Variants in FAIM2 observed in about 807,000 individuals in gnomAD.
FAIM2 encodes the protein Fas apoptotic inhibitory molecule 2.
In FAIM2, 27 loss-of-function variants were observed where a neutral mutation model predicts 47.4. That is an observed-to-expected ratio of 0.57 (90% CI 0.42 to 0.78). The LOEUF is 0.78. Among genes scored for constraint, FAIM2 ranks in the 30% least tolerant of loss-of-function variants. The pLI, the probability that FAIM2 is intolerant of heterozygous loss-of-function variation, is 0.00. For missense variants in FAIM2, 311 were observed against 389.4 expected, an observed-to-expected ratio of 0.80 and a Z score of 1.69; for synonymous variants, 156 against 159.3, an observed-to-expected ratio of 0.98 and a Z score of 0.16.
intron 11 of FAIM2, among the ~76,000 whole-genome samples, chr12:49,879,222 A>C (rs1946777642): frequency 1.6e-5 from 2 of 128,784 alleles, no homozygotes; most frequent in Non-Finnish European, 3.2e-5. Flanking sequence ...GTGTATGTGC[A>C]TGTGTGTATG....
At chr12:49,891,570 G>A (rs1278902164) in intron 5 of FAIM2, among the ~76,000 whole-genome samples, 2 of 152,200 alleles carry the variant, frequency 1.3e-5, no homozygotes, top group Non-Finnish European at 2.9e-5. Context: ...GAAGCAGGAT[G>A]AGAACCCAGG....
chr12:49,889,071 TC>T, intron 10 of FAIM2, 35 bp downstream of exon 10: 1 of 1,519,918 alleles, frequency 6.6e-7, no homozygotes. Flanking sequence ...GGCCCCTCCC[TC>T]CCCATGGGGC....
intron 11 of FAIM2, among the ~76,000 whole-genome samples, chr12:49,885,056 C>T (rs560034776): frequency 2.0e-5 from 3 of 152,314 alleles, no homozygotes; most frequent in South Asian, 4.1e-4. Flanking sequence ...GGGCTGCCTG[C>T]CCCCACTCCC....
intron 11 of FAIM2, among the ~76,000 whole-genome samples, chr12:49,884,505 CAGAG>C (rs146608778): frequency 3.1e-4 from 47 of 151,906 alleles, no homozygotes; most frequent in African/African-American, 7.7e-4. Context: ...ATACTGATGA[CAGAG>C]AGAGAGAGAA....
intron 11 of FAIM2, among the ~76,000 whole-genome samples, chr12:49,880,149 T>TGTGTGC (rs1491294908): frequency 1.3e-5 from 2 of 151,246 alleles, no homozygotes; most frequent in Admixed American, 1.3e-4. Context: ...TATGTGAGTG[T>TGTGTGC]ATGTGTGTGC....
intron 11 of FAIM2, among the ~76,000 whole-genome samples, chr12:49,885,499 A>G (rs1428930333): frequency 6.6e-6 from 1 of 152,184 alleles, no homozygotes; most frequent in African/African-American, 2.4e-5. Flanking sequence ...TTTAGGAAGT[A>G]TTGCCTGGAG....
chr12:49,880,168 A>G (rs199624053), intron 11 of FAIM2, among the ~76,000 whole-genome samples: 1,023 of 21,302 alleles, frequency 0.048, 2 homozygotes, highest in African/African-American at 0.096. Flanking sequence ...GCATGTGTGT[A>G]TGTGTGTGTA....
chr12:49,889,411 C>G, intron 9 of FAIM2, 70 bp downstream of exon 9: 1 of 1,435,828 alleles, frequency 7.0e-7, no homozygotes, highest in African/African-American at 1.4e-5. Context: ...GCTCTGAGGC[C>G]CCCACCCCAT....
chr12:49,898,215 T>G (rs1036857470), intron 2 of FAIM2, 125 bp from the exon 3 acceptor site: 13 of 696,176 alleles, frequency 1.9e-5, no homozygotes, highest in Non-Finnish European at 3.1e-5. Flanking sequence ...AGTCTTTCTC[T>G]CCTGCCCCAT....
chr12:49,885,634 G>A (rs1946855714), intron 11 of FAIM2, among the ~76,000 whole-genome samples: 1 of 152,180 alleles, frequency 6.6e-6, no homozygotes. Flanking sequence ...AAAAGTCCTA[G>A]GTAGCCTGGG....
At chr12:49,879,541 AGT>A (rs1329182647) in intron 11 of FAIM2, among the ~76,000 whole-genome samples, 2 of 118,456 alleles carry the variant, frequency 1.7e-5, no homozygotes, top group East Asian at 2.6e-4. Flanking sequence ...TATATATGTG[AGT>A]GTATGGGTGT....
chr12:49,880,033 AGT>A (rs1297547779), intron 11 of FAIM2, among the ~76,000 whole-genome samples: 1 of 85,986 alleles, frequency 1.2e-5, no homozygotes, highest in Non-Finnish European at 2.2e-5. Flanking sequence ...TGTGCATGTG[AGT>A]GTATATGCAT....
At chr12:49,890,296 G>T in intron 7 of FAIM2, 142 bp from the exon 8 acceptor site, 1 of 746,088 alleles carries the variant, frequency 1.3e-6, no homozygotes. Context: ...ACTGACTTTC[G>T]GGAGTCAGGC....
chr12:49,879,803 C>T (rs1280620122), intron 11 of FAIM2, among the ~76,000 whole-genome samples: 10 of 127,968 alleles, frequency 7.8e-5, no homozygotes, highest in East Asian at 7.3e-4. Flanking sequence ...TGTGTGCATA[C>T]GACTGTGTAT....
rs1327745906 is a variant in FAIM2, at chr12:49,870,547, A to T, written c.908T>A (p.Ile303Asn). ...ALNIYLDIIY[I>N]FTFFLQLFGT... ...AAAAAGCTGCAGGAAGAAGGTGAAG[A>T]TATAGATGATGTCTAGGTAAATGTT... Residue 303 changes from isoleucine to asparagine, a missense_variant, in exon 12 of 12, where the codon ATC becomes AAC. Ile to Asn is a moderately radical substitution (Grantham distance 149, BLOSUM62 -3). Transcript: ENST00000320634. 1 of 1,613,976 alleles carries T rather than the reference A, an allele frequency of 6.2e-7. No individual in the cohort carries two copies. Among genetic ancestry groups the T allele is most frequent in the Non-Finnish European group, 8.5e-7 (1 of 1,179,896 alleles).
At chr12:49,894,167 A>C (rs1946919654) in intron 5 of FAIM2, among the ~76,000 whole-genome samples, 1 of 152,076 alleles carries the variant, frequency 6.6e-6, no homozygotes, top group East Asian at 1.9e-4. Flanking sequence ...ACTGGTACCA[A>C]CTCACTGGCC....
intron 11 of FAIM2, among the ~76,000 whole-genome samples, chr12:49,879,756 A>G (rs142410697): frequency 0.01 from 1,432 of 141,768 alleles, 19 homozygotes; most frequent in African/African-American, 0.036. Context: ...GTATGCATGT[A>G]TGTGTGTGCA....
intron 11 of FAIM2, among the ~76,000 whole-genome samples, chr12:49,883,301 G>A (rs550364384): frequency 1.3e-5 from 2 of 152,272 alleles, no homozygotes; most frequent in South Asian, 4.1e-4. Context: ...GGCTGGAGGC[G>A]ACGGGGGCTG....
rs1946769191 is a variant in FAIM2 at position 49,878,788 on chromosome 12, G to C, written c.802-8135C>G. 1.8e-5 allele frequency among the ~76,000 whole-genome samples: 2 copies of C among 111,398 alleles called. 1 individual carries two copies. The highest frequency in any genetic ancestry group is 3.4e-5 in the Non-Finnish European group (2 of 58,020). 73.1% of individuals were successfully genotyped at this position (111,398 alleles called of 152,430 possible). On this transcript the variant is annotated intron_variant, in intron 11 of 11. Transcript: ENST00000320634. ...TATTTGTGTGCATGAGTGTATGTGT[G>C]CCTGTGTGTATATGTGTGCATGTGA...
Sources: allele counts gnomAD v4.1 joint callset (sites outside exome capture counted in the v4.1 genomes callset), GRCh38; gene constraint gnomAD v4.1.1; transcripts MANE v1.5; gene names NCBI Gene and HGNC (gene_info 2026-07-23, HGNC 2026-07-21).